RBFOX1: variants seen among roughly 807,000 people sequenced by gnomAD.
RBFOX1 encodes the protein RNA binding protein fox-1 homolog 1.
A neutral mutation model predicts 57.7 loss-of-function variants in RBFOX1; 8 were observed. The ratio of observed to expected loss-of-function variants is 0.14; its 90% confidence interval spans 0.08 to 0.25. RBFOX1 has a LOEUF of 0.25. Ranked by LOEUF, RBFOX1 falls within the 10% of genes least tolerant of loss-of-function variation. The pLI is 1.00. For synonymous variants in RBFOX1, 326 were observed against 222.4 expected, an observed-to-expected ratio of 1.47 and a Z score of -4.15; for missense variants, 611 against 548.5, an observed-to-expected ratio of 1.11 and a Z score of -1.14.
intron 1 of RBFOX1, among the ~76,000 whole-genome samples, chr16:6,183,813 G>A (rs2097086337): frequency 6.6e-6 from 1 of 152,170 alleles, no homozygotes; most frequent in Non-Finnish European, 1.5e-5. Context: ...GTGTTAGCTG[G>A]GGTAGAAGCT....
intron 4 of RBFOX1, among the ~76,000 whole-genome samples, chr16:7,150,081 C>A (rs11647280): frequency 0.29 from 44,192 of 152,032 alleles, 7,909 homozygotes; most frequent in Admixed American, 0.43. Context: ...AGCCAGGTTG[C>A]CTGTTCTTCC....
At chr16:6,612,198 G>T (rs1373575502) in intron 2 of RBFOX1, among the ~76,000 whole-genome samples, 1 of 152,080 alleles carries the variant, frequency 6.6e-6, no homozygotes. Flanking sequence ...TTTAGACTCA[G>T]GGTAAGTTTA....
intron 4 of RBFOX1, among the ~76,000 whole-genome samples, chr16:7,090,531 G>C (rs946272849): frequency 2.4e-4 from 37 of 152,160 alleles, no homozygotes; most frequent in African/African-American, 8.7e-4. Flanking sequence ...AATAGTTACA[G>C]ATGCTTAATA....
At chr16:7,155,372 T>C (rs2076873765) in intron 4 of RBFOX1, among the ~76,000 whole-genome samples, 1 of 151,908 alleles carries the variant, frequency 6.6e-6, no homozygotes, top group African/African-American at 2.4e-5. Flanking sequence ...AGTGGGTCAC[T>C]TAAGCCAGGA....
intron 1 of RBFOX1, among the ~76,000 whole-genome samples, chr16:5,353,953 A>T (rs2065324487): frequency 6.6e-6 from 1 of 152,072 alleles, no homozygotes; most frequent in Non-Finnish European, 1.5e-5. Flanking sequence ...TAAATGTTGA[A>T]ACCAAGCAGG....
intron 2 of RBFOX1, among the ~76,000 whole-genome samples, chr16:6,617,193 G>A (rs972417096): frequency 2.0e-5 from 3 of 151,794 alleles, no homozygotes; most frequent in African/African-American, 4.8e-5. Context: ...GATCTCATCT[G>A]TATAGGGTTC....
At chr16:6,860,391 C>T (rs1049089451) in intron 3 of RBFOX1, among the ~76,000 whole-genome samples, 3 of 152,174 alleles carry the variant, frequency 2.0e-5, no homozygotes, top group Non-Finnish European at 2.9e-5. Context: ...TCAAACTCTT[C>T]AAATCTGCAA....
chr16:7,197,211 C>G (rs138502911), intron 4 of RBFOX1, among the ~76,000 whole-genome samples: 1 of 152,244 alleles, frequency 6.6e-6, no homozygotes, highest in Non-Finnish European at 1.5e-5. Flanking sequence ...TTCCAAGCCT[C>G]CTTCATAGCC....
chr16:6,940,117 A>T (rs972037934), intron 3 of RBFOX1, among the ~76,000 whole-genome samples: 1 of 152,138 alleles, frequency 6.6e-6, no homozygotes, highest in Non-Finnish European at 1.5e-5. Flanking sequence ...ACTTGAACCC[A>T]GGAGGCGGAG....
intron 4 of RBFOX1, among the ~76,000 whole-genome samples, chr16:7,330,159 G>A (rs2096665394): frequency 6.6e-6 from 1 of 151,986 alleles, no homozygotes; most frequent in African/African-American, 2.4e-5. Context: ...ATTGGTTCCA[G>A]GACCTCCCCT....
chr16:5,678,962 G>C (rs946089268), intron 3 of RBFOX1, among the ~76,000 whole-genome samples: 5 of 152,202 alleles, frequency 3.3e-5, no homozygotes, highest in Non-Finnish European at 7.3e-5. Flanking sequence ...CTCAGTGATT[G>C]GGGCTACATG....
At chr16:7,684,787 A>G (rs1406579061) in intron 14 of RBFOX1, among the ~76,000 whole-genome samples, 1 of 152,104 alleles carries the variant, frequency 6.6e-6, no homozygotes, top group East Asian at 1.9e-4. Context: ...GACTACTACC[A>G]AACAGAATAT....
intron 1 of RBFOX1, among the ~76,000 whole-genome samples, chr16:6,064,373 A>G (rs1596886209): frequency 6.6e-6 from 1 of 152,248 alleles, no homozygotes; most frequent in East Asian, 1.9e-4. Flanking sequence ...AGTTTTCTAT[A>G]ACATCCTTCC....
rs373960095 is a variant in RBFOX1, at chr16:5,418,190, A to T, written c.220-49026A>T. On this transcript the variant is annotated intron_variant, in intron 1 of 2. Transcript: ENST00000585867. ...TTTTCTTATGCCCATCTTTAAAAGC[A>T]GGAATAATTAATGGTCAATAGTGTA... Among the ~76,000 whole-genome samples the T allele has an allele frequency of 2.6e-4, 39 of 152,370 alleles. 1 individual carries two copies. The South Asian group carries it at 7.9e-3, about 31-fold the overall frequency.
At chr16:7,551,962 A>T (rs2086678807) in intron 5 of RBFOX1, among the ~76,000 whole-genome samples, 1 of 152,202 alleles carries the variant, frequency 6.6e-6, no homozygotes, top group South Asian at 2.1e-4. Flanking sequence ...CAGCAGAAGA[A>T]ATAGCATGTG....
At chr16:7,454,935 CCCCTTTTCCCAGCCCTGGGCCATA>C (rs1256487959) in intron 4 of RBFOX1, among the ~76,000 whole-genome samples, 1 of 152,126 alleles carries the variant, frequency 6.6e-6, no homozygotes, top group Non-Finnish European at 1.5e-5. Flanking sequence ...CCTGGGCCAA[CCCCTTTTCCCAGCCCTGGGCCATA>C]CCCTTTTCCA....
chr16:7,490,722 G>C (rs1342334515), intron 4 of RBFOX1, among the ~76,000 whole-genome samples: 1 of 152,154 alleles, frequency 6.6e-6, no homozygotes, highest in African/African-American at 2.4e-5. Flanking sequence ...GGTGTTGATA[G>C]CTTTCACTAA....
chr16:6,820,391 T>C (rs1396494463), intron 3 of RBFOX1, among the ~76,000 whole-genome samples: 6 of 152,174 alleles, frequency 3.9e-5, no homozygotes, highest in Non-Finnish European at 8.8e-5. Context: ...CCCAACACAG[T>C]GGCTCCTATA....
chr16:5,778,971 G>A (rs2054238420), intron 3 of RBFOX1, among the ~76,000 whole-genome samples: 1 of 152,068 alleles, frequency 6.6e-6, no homozygotes, highest in South Asian at 2.1e-4. Flanking sequence ...CTCATCCATT[G>A]ATCTATTCAT....
Sources: gnomAD v4.1 joint callset for allele counts (sites outside exome capture counted in the v4.1 genomes callset) on GRCh38, gnomAD v4.1.1 for gene constraint, MANE v1.5 for transcripts, NCBI Gene and HGNC (gene_info 2026-07-23, HGNC 2026-07-21) for gene names.